The following ANGPT2 variants were observed in gnomAD, a reference collection of about 807,000 sequenced individuals.
The protein encoded by ANGPT2 is angiopoietin 2.
In ANGPT2, 28 loss-of-function variants were observed where a neutral mutation model predicts 62.9. The observed-to-expected ratio is 0.44, with a 90% confidence interval of 0.33 to 0.61. The LOEUF (loss-of-function observed/expected upper bound fraction) is 0.61, where lower values mean the gene tolerates loss of function less well. ANGPT2 is among the 20% of genes least tolerant of loss of function. The pLI, the probability that ANGPT2 is intolerant of heterozygous loss-of-function variation, is 0.03. For synonymous variants in ANGPT2, 284 were observed against 207.8 expected (o/e 1.37, Z -3.15); for missense variants, 727 against 594.9 (o/e 1.22, Z -2.31).
chr8:6,532,563 C>T (rs541542905), intron 1 of ANGPT2, 76 bp from the exon 2 acceptor site: 5 of 939,446 alleles, frequency 5.3e-6, no homozygotes, highest in Admixed American at 6.7e-5. Context: ...TTGTCGTCTC[C>T]TCCCTATCTT....
At chr8:6,518,651 A>G (rs954221824) in intron 5 of ANGPT2, among the ~76,000 whole-genome samples, 4 of 152,172 alleles carry the variant, frequency 2.6e-5, no homozygotes, top group African/African-American at 9.7e-5. Context: ...ACTTAGGATA[A>G]TACTCAATTT....
chr8:6,532,576 A>T, intron 1 of ANGPT2, 89 bp from the exon 2 acceptor site: 4 of 542,504 alleles, frequency 7.4e-6, no homozygotes, highest in Non-Finnish European at 1.0e-5. Flanking sequence ...CCTATCTTTA[A>T]AAAAAAAAAA....
chr8:6,503,482 C>G (rs1812614484), intron 8 of ANGPT2, among the ~76,000 whole-genome samples: 2 of 152,208 alleles, frequency 1.3e-5, no homozygotes, highest in Non-Finnish European at 2.9e-5. Context: ...TACAAGCCTT[C>G]TTCCACCTTT....
At chr8:6,536,259 G>T (rs2959809) in intron 1 of ANGPT2, among the ~76,000 whole-genome samples, 53,803 of 151,708 alleles carry the variant, frequency 0.35, 9,866 homozygotes, top group Non-Finnish European at 0.4. Context: ...TTGGTTGCCG[G>T]CACTGCCTGT....
rs1825782186 is a variant in ANGPT2, at chr8:6,562,937, T to C, written c.-3A>G. 3 of 1,579,616 alleles carry C rather than the reference T, an allele frequency of 1.9e-6. No individual in the cohort carries two copies. Among genetic ancestry groups the C allele is most frequent in the Non-Finnish European group, 2.6e-6 (3 of 1,154,748 alleles). ...GTAAAGAAAACAATCTGCCACATTC[T>C]TTCTTCAGTAATAAACCAGCAGCTT... On this transcript the variant is annotated 5_prime_UTR_variant, in exon 1 of 9. Coordinates refer to ENST00000629816, the MANE Select transcript of ANGPT2 (RefSeq NM_001118887.2).
At position 6,549,132 on chromosome 8, in the gene ANGPT2, A is replaced by T. The variant is rs1424689492; in HGVS notation, c.288+13515T>A. Among the ~76,000 whole-genome samples, 5 of 152,356 alleles carry T rather than the reference A, an allele frequency of 3.3e-5. No individual in the cohort carries two copies. The East Asian group carries it at 9.6e-4, about 29-fold the overall frequency. ...CAGTCAGTCCAACTCCACAGATTTC[A>T]GAGATAGCAGTACAAGAAAAATGAT... On this transcript the variant is annotated intron_variant, in intron 1 of 8. Coordinates refer to ENST00000629816, the MANE Select transcript of ANGPT2 (RefSeq NM_001118887.2).
chr8:6,541,551 C>T (rs1048042180), intron 1 of ANGPT2, among the ~76,000 whole-genome samples: 8 of 152,200 alleles, frequency 5.3e-5, no homozygotes, highest in Admixed American at 2.0e-4. Flanking sequence ...AATGCGGAGA[C>T]GCTCGGCAGG....
intron 1 of ANGPT2, among the ~76,000 whole-genome samples, chr8:6,545,084 A>G (rs1048341592): frequency 2.0e-5 from 3 of 152,116 alleles, no homozygotes; most frequent in African/African-American, 4.8e-5. Context: ...GCCACACCCT[A>G]GGAGTGCTTA....
chr8:6,526,732 G>T lies in ANGPT2; in HGVS notation c.566+823C>A, dbSNP rs2959816. Among the ~76,000 whole-genome samples, 1,362 of 152,174 alleles carry T rather than the reference G, an allele frequency of 9.0e-3. 23 individuals are homozygous for T. Among genetic ancestry groups the T allele is most frequent in the African/African-American group, 0.031 (1,267 of 41,520 alleles). Reference sequence around the variant, plus strand: ...AAAGAATTATTTAAATTGTGAAATAGGATATATTGTTATAGCCATGTTCCA... The same window carrying T: ...AAAGAATTATTTAAATTGTGAAATATGATATATTGTTATAGCCATGTTCCA... On this transcript the variant is annotated intron_variant, in intron 3 of 8. Coordinates refer to ENST00000629816, the MANE Select transcript of ANGPT2 (RefSeq NM_001118887.2).
chr8:6,524,355 C>CAAA lies in ANGPT2; in HGVS notation c.567-2946_567-2945insTTT, dbSNP rs537430697. Reference sequence around the variant, plus strand: ...AGCTGGTGAAATATTCTATACATTTCACTAGCTTTTCTGCGAAGGCATATG... The same window carrying CAAA: ...AGCTGGTGAAATATTCTATACATTTCAAAACTAGCTTTTCTGCGAAGGCATATG... On this transcript the variant is annotated intron_variant, in intron 3 of 8. Transcript: ENST00000629816. 6.6e-5 allele frequency among the ~76,000 whole-genome samples: 10 copies of CAAA among 152,336 alleles called. No individual in the cohort carries two copies. The South Asian group carries it at 1.9e-3, about 28-fold the overall frequency.
intron 1 of ANGPT2, among the ~76,000 whole-genome samples, chr8:6,532,765 C>A (rs1484800907): frequency 6.6e-6 from 1 of 152,142 alleles, no homozygotes; most frequent in African/African-American, 2.4e-5. Flanking sequence ...AAGTCCATGT[C>A]ATGGCAGGCC....
chr8:6,532,467 G>T lies in ANGPT2; in HGVS notation c.309C>A (p.Asp103Glu). The T allele has an allele frequency of 1.2e-6, 2 of 1,612,120 alleles. No homozygotes were observed. Among genetic ancestry groups the T allele is most frequent in the Non-Finnish European group, 1.7e-6 (2 of 1,179,544 alleles). Reference protein sequence around the residue: ...WLMKLENYIQDNMKKEMVEIQ... With the variant: ...WLMKLENYIQENMKKEMVEIQ... The stretch of plus-strand genomic sequence containing the variant: ...TCTCTACCATTTCTTTCTTCATGTT[G>T]TCCTGGATATAATTCTCAAGCTAGA... Residue 103 changes from aspartate to glutamate, a missense_variant, in exon 2 of 9, where the codon GAC becomes GAA. Coordinates refer to ENST00000629816, the MANE Select transcript of ANGPT2 (RefSeq NM_001118887.2).
chr8:6,539,543 G>C (rs995900220), intron 1 of ANGPT2, among the ~76,000 whole-genome samples: 4 of 152,106 alleles, frequency 2.6e-5, no homozygotes, highest in Admixed American at 1.3e-4. Flanking sequence ...TCCTGAAATG[G>C]ATCTGTTCTG....
intron 3 of ANGPT2, 81 bp downstream of exon 3, chr8:6,527,474 G>T (rs1818546143): frequency 6.6e-7 from 1 of 1,516,162 alleles, no homozygotes; most frequent in Non-Finnish European, 9.0e-7. Flanking sequence ...TCACCATTCT[G>T]ATAATTCATC....
chr8:6,534,935 G>T lies in ANGPT2; in HGVS notation c.289-2448C>A, dbSNP rs117679969. On this transcript the variant is annotated intron_variant, in intron 1 of 8. Transcript: ENST00000629816. ...CCATGGGAGTAATGGAATTTTTGAG[G>T]TTGCAGTTAAAGCTGTGTGTCACCC... Among the ~76,000 whole-genome samples the T allele has an allele frequency of 8.3e-4, 127 of 152,258 alleles. 1 individual carries two copies. The East Asian group carries it at 0.019, about 22-fold the overall frequency.
chr8:6,520,022 C>G (rs532699897), intron 4 of ANGPT2, 31 bp from the exon 5 acceptor site: 5 of 1,609,120 alleles, frequency 3.1e-6, no homozygotes, highest in Non-Finnish European at 4.2e-6. Context: ...GGCATTTAAA[C>G]GGAGTTCATG....
Position 6,532,458 on chromosome 8 carries a change from C to G in ANGPT2, c.318G>C (p.Lys106Asn). Residue 106 changes from lysine (K) to asparagine (N), a missense_variant, in exon 2 of 9, where the codon AAG becomes AAC. By Grantham distance (94) the Lys-to-Asn change is moderately conservative. Transcript: ENST00000629816. ...TCTGCTGTATCTCTACCATTTCTTT[C>G]TTCATGTTGTCCTGGATATAATTCT... Reference protein sequence around the residue: ...KLENYIQDNMKKEMVEIQQNA... With the variant: ...KLENYIQDNMNKEMVEIQQNA... 1 of 1,613,390 alleles carries G rather than the reference C, an allele frequency of 6.2e-7. No homozygotes were observed. Among genetic ancestry groups the G allele is most frequent in the Non-Finnish European group, 8.5e-7 (1 of 1,179,826 alleles).
Position 6,499,685 on chromosome 8 carries a change from CATTT to C in ANGPT2, c.*3412_*3415del. On this transcript the variant is annotated 3_prime_UTR_variant, in exon 9 of 9. Coordinates refer to ENST00000629816, the MANE Select transcript of ANGPT2 (RefSeq NM_001118887.2). ...ATCAACTTTTTATTAATATTCATAA[CATTT>C]ATGCAACATGAAGATTCTGAAGGGA... is the stretch of plus-strand genomic sequence containing the variant. 1 of 620,442 alleles carries C rather than the reference CATTT, an allele frequency of 1.6e-6. No individual in the cohort carries two copies. The highest frequency in any genetic ancestry group is 2.9e-6 in the Non-Finnish European group (1 of 346,718). 38.4% of individuals were successfully genotyped at this position (620,442 alleles called of 1,614,324 possible).
At chr8:6,519,486 C>G (rs1168775706) in intron 5 of ANGPT2, among the ~76,000 whole-genome samples, 1 of 152,224 alleles carries the variant, frequency 6.6e-6, no homozygotes, top group African/African-American at 2.4e-5. Flanking sequence ...CATGACACCT[C>G]TATGGCTGAT....
Sources: gnomAD v4.1 joint callset for allele counts (sites outside exome capture counted in the v4.1 genomes callset) on GRCh38, gnomAD v4.1.1 for gene constraint, MANE v1.5 for transcripts, NCBI Gene and HGNC (gene_info 2026-07-23, HGNC 2026-07-21) for gene names.